NCOR1: variants seen among roughly 807,000 people sequenced by gnomAD.
NCOR1 encodes the protein nuclear receptor corepressor 1.
A neutral mutation model predicts 288.1 loss-of-function variants in NCOR1; 63 were observed. That is an observed-to-expected ratio of 0.22 (90% CI 0.18 to 0.27). The LOEUF (loss-of-function observed/expected upper bound fraction) is 0.27. NCOR1 is among the 10% of genes least tolerant of loss of function. The pLI is 1.00. For synonymous variants in NCOR1, 1,007 were observed against 1,065.9 expected, an observed-to-expected ratio of 0.94 and a Z score of 1.08; for missense variants, 2,397 against 3,019.2, an observed-to-expected ratio of 0.79 and a Z score of 4.83.
Position 16,029,920 on chromosome 17 carries a change from T to A in NCOR1, c.*2376A>T, listed in dbSNP as rs1349702727. On this transcript the variant is annotated 3_prime_UTR_variant, in exon 46 of 46. Coordinates refer to ENST00000268712, the MANE Select transcript of NCOR1 (RefSeq NM_006311.4). Reference sequence around the variant, plus strand: ...AGGTAGAACTGCAAGAGTAAGAAGTTAGGCTCTGATCTGACATGTTCTCAG... The same window carrying A: ...AGGTAGAACTGCAAGAGTAAGAAGTAAGGCTCTGATCTGACATGTTCTCAG... The A allele has an allele frequency of 1.3e-5, 2 of 155,102 alleles. No individual in the cohort carries two copies. Among genetic ancestry groups the A allele is most frequent in the Non-Finnish European group, 2.9e-5 (2 of 69,712 alleles). 9.6% of individuals were successfully genotyped at this position (155,102 alleles called of 1,614,324 possible).
chr17:16,084,955 TTA>T (rs2063978490), intron 23 of NCOR1, among the ~76,000 whole-genome samples: 2 of 152,158 alleles, frequency 1.3e-5, no homozygotes, highest in Admixed American at 6.5e-5. Context: ...GTATATATAT[TTA>T]GACTATATAA....
intron 18 of NCOR1, among the ~76,000 whole-genome samples, chr17:16,110,503 A>G (rs1369872505): frequency 1.3e-5 from 2 of 152,238 alleles, no homozygotes; most frequent in East Asian, 1.9e-4. Context: ...TACACATTTA[A>G]CTATAAGACG....
At chr17:16,127,212 T>TA in intron 14 of NCOR1, among the ~76,000 whole-genome samples, 3 of 130,748 alleles carry the variant, frequency 2.3e-5, no homozygotes, top group African/African-American at 1.2e-4. Context: ...TATGTATATA[T>TA]CTGTATGTAT....
chr17:16,185,442 G>C, intron 3 of NCOR1, among the ~76,000 whole-genome samples: 1 of 151,812 alleles, frequency 6.6e-6, no homozygotes, highest in East Asian at 1.9e-4. Flanking sequence ...CCAACACTTT[G>C]AGAGGCCAAA....
chr17:16,112,624 G>C (rs1035650375), intron 18 of NCOR1, among the ~76,000 whole-genome samples: 78 of 152,176 alleles, frequency 5.1e-4, no homozygotes, highest in African/African-American at 1.8e-3. Context: ...CCGAGTAGCT[G>C]GGATTAAAGG....
chr17:16,183,581 A>T (rs570397121), intron 3 of NCOR1, among the ~76,000 whole-genome samples: 9 of 152,288 alleles, frequency 5.9e-5, no homozygotes, highest in African/African-American at 1.9e-4. Context: ...CACTGATTAA[A>T]AAACTGAAGA....
chr17:16,055,111 T>C (rs1196362349), intron 40 of NCOR1, among the ~76,000 whole-genome samples: 3 of 152,206 alleles, frequency 2.0e-5, no homozygotes, highest in Non-Finnish European at 2.9e-5. Context: ...TGGAAGACAC[T>C]GTGGAAATTC....
intron 17 of NCOR1, among the ~76,000 whole-genome samples, 194 bp from the exon 18 acceptor site, chr17:16,118,221 T>C (rs546919633): frequency 1.6e-4 from 25 of 152,326 alleles, no homozygotes; most frequent in Non-Finnish European, 2.8e-4. Flanking sequence ...TTCTATATTT[T>C]TCCCCCTCAA....
chr17:16,184,464 G>A (rs970627924), intron 3 of NCOR1, among the ~76,000 whole-genome samples: 1 of 152,132 alleles, frequency 6.6e-6, no homozygotes, highest in Non-Finnish European at 1.5e-5. Context: ...ATGAAAAGAT[G>A]TTCAGTATCA....
chr17:16,097,095 C>G (rs966539148), intron 21 of NCOR1, among the ~76,000 whole-genome samples: 1 of 152,216 alleles, frequency 6.6e-6, no homozygotes, highest in African/African-American at 2.4e-5. Context: ...TTTGGTCCTT[C>G]TCCCAAAGAC....
chr17:16,062,506 A>G (rs887047238), intron 35 of NCOR1, among the ~76,000 whole-genome samples: 1 of 152,244 alleles, frequency 6.6e-6, no homozygotes, highest in Non-Finnish European at 1.5e-5. Flanking sequence ...GCCATCATTT[A>G]CTGTCATTTC....
chr17:16,074,541 C>G (rs73280217), intron 27 of NCOR1, among the ~76,000 whole-genome samples: 1 of 152,188 alleles, frequency 6.6e-6, no homozygotes, highest in South Asian at 2.1e-4. Context: ...ATATGCCAGA[C>G]GTGTAAAGGA....
chr17:16,091,700 T>G, intron 22 of NCOR1, 163 bp downstream of exon 22: 1 of 1,442,188 alleles, frequency 6.9e-7, no homozygotes, highest in Non-Finnish European at 9.1e-7. Context: ...AATACTAACA[T>G]TTCTTCATAG....
At chr17:16,038,483 C>CTGGA (rs2056890482) in intron 44 of NCOR1, among the ~76,000 whole-genome samples, 2 of 151,454 alleles carry the variant, frequency 1.3e-5, no homozygotes, top group African/African-American at 4.9e-5. Flanking sequence ...GTCACCTGGG[C>CTGGA]TGGAGTGCAG....
intron 42 of NCOR1, 39 bp downstream of exon 42, chr17:16,046,912 C>G (rs752502618): frequency 6.2e-7 from 1 of 1,607,232 alleles, no homozygotes; most frequent in African/African-American, 1.3e-5. Flanking sequence ...ATTATTAATG[C>G]ATGTTTTATT....
intron 3 of NCOR1, among the ~76,000 whole-genome samples, chr17:16,182,119 A>ATT (rs2085611195): frequency 6.6e-6 from 1 of 152,174 alleles, no homozygotes; most frequent in Non-Finnish European, 1.5e-5. Context: ...AATTTATTCC[A>ATT]TTTCTACCTG....
intron 1 of NCOR1, among the ~76,000 whole-genome samples, chr17:16,205,425 C>A (rs1314242340): frequency 6.6e-6 from 1 of 151,292 alleles, no homozygotes; most frequent in Admixed American, 6.6e-5. Flanking sequence ...GAGTTCGAGA[C>A]CAGCCTGACT....
At chr17:16,062,037 T>C (rs779827875) in intron 36 of NCOR1, 68 bp downstream of exon 36, 49 of 1,593,174 alleles carry the variant, frequency 3.1e-5, no homozygotes, top group Admixed American at 3.8e-5. Flanking sequence ...CTTAGACTAT[T>C]GCAGTCACAA....
chr17:16,076,563 G>A (rs1335471123), intron 26 of NCOR1, among the ~76,000 whole-genome samples: 2 of 152,224 alleles, frequency 1.3e-5, no homozygotes, highest in African/African-American at 4.8e-5. Flanking sequence ...AAGCAAACTG[G>A]AAAGGTGAAA....
Sources: gnomAD v4.1 joint callset for allele counts (sites outside exome capture counted in the v4.1 genomes callset) on GRCh38, gnomAD v4.1.1 for gene constraint, MANE v1.5 for transcripts, NCBI Gene and HGNC (gene_info 2026-07-23, HGNC 2026-07-21) for gene names.